The following CHD9 variants were observed in gnomAD, a reference collection of about 807,000 sequenced individuals.
CHD9 encodes chromodomain helicase DNA binding protein 9, also known as ATP-dependent chromatin remodeler CHD9.
CHD9 carries 77 observed loss-of-function variants against 316.1 expected under a neutral mutation model. The ratio of observed to expected loss-of-function variants is 0.24; its 90% CI spans 0.20 to 0.29. The LOEUF is 0.29. CHD9 is among the 10% of genes least tolerant of loss of function. CHD9 has a pLI of 1.00. For missense variants in CHD9, 2,763 were observed against 3,438.1 expected, an observed-to-expected ratio of 0.80 and a Z score of 4.91; for synonymous variants, 1,129 against 1,158.3, an observed-to-expected ratio of 0.97 and a Z score of 0.51.
intron 5 of CHD9, 24 bp downstream of exon 5, chr16:53,226,536 T>C (rs1390356605): frequency 4.4e-6 from 7 of 1,583,012 alleles, no homozygotes; most frequent in Non-Finnish European, 6.0e-6. Context: ...GGATTATGAC[T>C]GCAAAACATT....
intron 11 of CHD9, among the ~76,000 whole-genome samples, chr16:53,237,801 A>G (rs73599643): frequency 0.038 from 5,728 of 151,414 alleles, 370 homozygotes; most frequent in African/African-American, 0.13. Flanking sequence ...TTCCATACTC[A>G]TTGAATCAGA....
At chr16:53,171,149 C>T (rs1017058246) in intron 2 of CHD9, among the ~76,000 whole-genome samples, 1 of 152,168 alleles carries the variant, frequency 6.6e-6, no homozygotes, top group African/African-American at 2.4e-5. Context: ...GTGGCTCACA[C>T]CTGTAATCCT....
At chr16:53,226,539 A>G in intron 5 of CHD9, 27 bp downstream of exon 5, 3 of 1,582,898 alleles carry the variant, frequency 1.9e-6, no homozygotes, top group Non-Finnish European at 2.6e-6. Context: ...TTATGACTGC[A>G]AAACATTTTA....
intron 2 of CHD9, among the ~76,000 whole-genome samples, chr16:53,164,610 AC>A (rs774486614): frequency 6.6e-6 from 1 of 150,558 alleles, no homozygotes; most frequent in Non-Finnish European, 1.5e-5. Flanking sequence ...ACAACAAAAA[AC>A]TAAGAAGTGT....
At chr16:53,142,477 GGTTT>G (rs1779117307) in intron 1 of CHD9, among the ~76,000 whole-genome samples, 2 of 152,130 alleles carry the variant, frequency 1.3e-5, no homozygotes, top group African/African-American at 4.8e-5. Context: ...AACAGACTGA[GGTTT>G]GTTTGTTTTT....
At chr16:53,189,447 A>G (rs1483901326) in intron 2 of CHD9, among the ~76,000 whole-genome samples, 5 of 151,616 alleles carry the variant, frequency 3.3e-5, no homozygotes, top group Non-Finnish European at 5.9e-5. Context: ...TTTAGTTTTT[A>G]TTCTTTATTC....
At chr16:53,151,065 T>G (rs1488799228) in intron 1 of CHD9, among the ~76,000 whole-genome samples, 2 of 152,118 alleles carry the variant, frequency 1.3e-5, no homozygotes, top group East Asian at 3.8e-4. Context: ...TCTGCCCTTT[T>G]CTCTCTCTCC....
chr16:53,311,271 TTTATC>T (rs1254039944), intron 34 of CHD9: 2 of 152,282 alleles, frequency 1.3e-5, no homozygotes, highest in Middle Eastern at 3.4e-3. Flanking sequence ...ATCTAAGCAT[TTTATC>T]TTATCCATCT....
chr16:53,072,991 G>A (rs958740872), intron 1 of CHD9, among the ~76,000 whole-genome samples: 3 of 152,042 alleles, frequency 2.0e-5, no homozygotes, highest in Admixed American at 6.6e-5. Flanking sequence ...CACCACGCCC[G>A]GCCATCCCTA....
At chr16:53,230,061 T>C (rs1328624774) in intron 8 of CHD9, among the ~76,000 whole-genome samples, 1 of 152,196 alleles carries the variant, frequency 6.6e-6, no homozygotes, top group Admixed American at 6.5e-5. Context: ...TTGTTTTTCA[T>C]TTCTTGGACA....
chr16:53,284,155 C>T (rs1378091288), intron 24 of CHD9, among the ~76,000 whole-genome samples: 1 of 152,032 alleles, frequency 6.6e-6, no homozygotes, highest in East Asian at 1.9e-4. Context: ...TCTTTGTTAA[C>T]TAATTTGTGA....
chr16:53,171,687 A>G (rs1275855741), intron 2 of CHD9, among the ~76,000 whole-genome samples: 2 of 151,998 alleles, frequency 1.3e-5, no homozygotes, highest in Non-Finnish European at 2.9e-5. Context: ...CGTCTCTACA[A>G]AAACTACCAA....
chr16:53,172,941 G>A (rs2042872460), intron 2 of CHD9, among the ~76,000 whole-genome samples: 1 of 152,090 alleles, frequency 6.6e-6, no homozygotes, highest in South Asian at 2.1e-4. Flanking sequence ...CTCCCAGTCT[G>A]TGGGTTGCCT....
chr16:53,178,906 G>A (rs549073695), intron 2 of CHD9, among the ~76,000 whole-genome samples: 29 of 152,286 alleles, frequency 1.9e-4, no homozygotes, highest in African/African-American at 6.0e-4. Flanking sequence ...CCAGTTACTT[G>A]AGAAGCTGAG....
chr16:53,239,507 C>T (rs879733511), intron 12 of CHD9, among the ~76,000 whole-genome samples: 1 of 152,000 alleles, frequency 6.6e-6, no homozygotes, highest in African/African-American at 2.4e-5. Context: ...TAAAATATTT[C>T]AATAAAATCA....
intron 20 of CHD9, among the ~76,000 whole-genome samples, chr16:53,265,599 T>C (rs887361352): frequency 6.6e-6 from 1 of 152,176 alleles, no homozygotes; most frequent in Non-Finnish European, 1.5e-5. Context: ...GGATTAGCAT[T>C]TGGGAAGAGC....
intron 1 of CHD9, among the ~76,000 whole-genome samples, chr16:53,093,705 G>A (rs1163363203): frequency 1.3e-5 from 2 of 152,232 alleles, no homozygotes; most frequent in Non-Finnish European, 2.9e-5. Flanking sequence ...GCATTGTACA[G>A]ATAGAAAGCT....
At chr16:53,137,299 G>A (rs1364390238) in intron 1 of CHD9, among the ~76,000 whole-genome samples, 1 of 152,100 alleles carries the variant, frequency 6.6e-6, no homozygotes, top group African/African-American at 2.4e-5. Context: ...TATAGGAAGA[G>A]TTTATTCATT....
chr16:53,071,683 C>T (rs1321356166), intron 1 of CHD9, among the ~76,000 whole-genome samples: 1 of 152,178 alleles, frequency 6.6e-6, no homozygotes. Context: ...AACAGTCACT[C>T]AGAGCTGCAG....
Sources: gnomAD v4.1 joint callset for allele counts (sites outside exome capture counted in the v4.1 genomes callset) on GRCh38, gnomAD v4.1.1 for gene constraint, MANE v1.5 for transcripts, NCBI Gene and HGNC (gene_info 2026-07-23, HGNC 2026-07-21) for gene names.